SLC16A1: variants seen among roughly 807,000 people sequenced by gnomAD.
SLC16A1 encodes solute carrier family 16 member 1, also known as monocarboxylate transporter 1.
In SLC16A1, 11 loss-of-function variants were observed where a neutral mutation model predicts 32.2. That is an observed-to-expected ratio of 0.34 (90% confidence interval 0.21 to 0.56). The LOEUF (loss-of-function observed/expected upper bound fraction) is 0.56. Ranked by LOEUF, SLC16A1 falls within the 20% of genes least tolerant of loss-of-function variation. SLC16A1 has a pLI of 0.87. For synonymous variants in SLC16A1, 231 were observed against 226.8 expected (o/e 1.02, Z -0.17); for missense variants, 435 against 615.0 (o/e 0.71, Z 3.10).
chr1:112,912,613 T>C lies in SLC16A1; in HGVS notation c.*1278A>G, dbSNP rs1648359986. On this transcript the variant is annotated 3_prime_UTR_variant, in exon 5 of 5. Coordinates refer to ENST00000369626, the MANE Select transcript of SLC16A1 (RefSeq NM_003051.4). ...AGGTAAGTGAAAGGGGTCACAAAAT[T>C]TTTAGGTTTGTGTGGAGGGTAAAAA... 2.0e-5 allele frequency: 3 copies of C among 152,166 alleles called. No homozygotes were observed. The South Asian group carries it at 6.2e-4, about 32-fold the overall frequency. The allele number at this position is 152,166 out of a possible 1,614,324, so 9.4% of individuals were successfully genotyped here.
rs763038298 is a variant in SLC16A1, at chr1:112,929,268, G to T, written c.41C>A (p.Pro14Gln). ...CACTGCCCAGCCCCAGCCTCCATCTGGGGGGGTGTATCCAACTGGACCTCC... is the reference window on the plus strand; with the variant it reads ...CACTGCCCAGCCCCAGCCTCCATCTTGGGGGGTGTATCCAACTGGACCTCC... ...AVGGPVGYTP[P>Q]DGGWGWAVVI... The change falls in exon 2 of 5, where the codon CCA (proline) becomes CAA (glutamine). Residue 14 changes from proline to glutamine, a missense_variant. Coordinates refer to ENST00000369626, the MANE Select transcript of SLC16A1 (RefSeq NM_003051.4). The T allele has an allele frequency of 2.5e-6, 4 of 1,613,422 alleles. No homozygotes were observed. The highest frequency in any genetic ancestry group is 4.5e-5 in the East Asian group (2 of 44,884).
At chr1:112,930,250 C>T (rs994874443) in intron 1 of SLC16A1, among the ~76,000 whole-genome samples, 8 of 152,154 alleles carry the variant, frequency 5.3e-5, no homozygotes, top group Non-Finnish European at 1.2e-4. Context: ...GATCTAACTC[C>T]AGGTAGCTGA....
intron 1 of SLC16A1, among the ~76,000 whole-genome samples, chr1:112,947,520 T>C (rs1161235921): frequency 6.6e-6 from 1 of 152,210 alleles, no homozygotes; most frequent in Non-Finnish European, 1.5e-5. Flanking sequence ...ATTGAACTAT[T>C]CACTCACAGA....
chr1:112,931,330 A>AAT (rs1385633231), intron 1 of SLC16A1, among the ~76,000 whole-genome samples: 4 of 152,008 alleles, frequency 2.6e-5, no homozygotes, highest in Non-Finnish European at 5.9e-5. Context: ...TAAAATCATA[A>AAT]ATATATATAT....
chr1:112,924,913 T>G (rs1267040082), intron 2 of SLC16A1, among the ~76,000 whole-genome samples: 1 of 152,102 alleles, frequency 6.6e-6, no homozygotes, highest in Non-Finnish European at 1.5e-5. Flanking sequence ...AATATATCCT[T>G]CAGAATTACT....
At chr1:112,931,644 CA>C (rs561013159) in intron 1 of SLC16A1, among the ~76,000 whole-genome samples, 5,245 of 62,146 alleles carry the variant, frequency 0.084, 177 homozygotes, top group African/African-American at 0.26. Context: ...TACTCTGTCT[CA>C]AAAAAAAAAA....
rs1236598330 is a variant in SLC16A1 at position 112,917,412 on chromosome 1, A to C, written c.994T>G (p.Phe332Val). The C allele has an allele frequency of 6.2e-7, 1 of 1,614,220 alleles. No individual in the cohort carries two copies. Among genetic ancestry groups the C allele is most frequent in the South Asian group, 1.1e-5 (1 of 91,082 alleles). ...TTTGCAACAACGGAAGCCGCAAAGA[A>C]ATACTGAATTCGAGGTCTTATTGGC... ...TKPIRPRIQY[F>V]FAASVVANGV... Residue 332 changes from phenylalanine (F) to valine (V), a missense_variant, in exon 4 of 5, where the codon TTC becomes GTC. Phe to Val is a conservative substitution (Grantham distance 50). This residue lies in a region of SLC16A1 where 324 missense variants were observed against 500.3 expected (regional missense o/e 0.65). Transcript: ENST00000369626. The surrounding 1 kb of genome is among the most constrained non-coding windows in gnomAD (Gnocchi z 4.1).
intron 1 of SLC16A1, among the ~76,000 whole-genome samples, chr1:112,944,994 C>CTTTTTTTTTTTT (rs151186476): frequency 8.1e-6 from 1 of 123,306 alleles, no homozygotes. Flanking sequence ...CACCCAGCCT[C>CTTTTTTTTTTTT]TTTTTTTTTT....
At chr1:112,951,492 C>CATCA (rs1270108598) in intron 1 of SLC16A1, among the ~76,000 whole-genome samples, 2 of 152,122 alleles carry the variant, frequency 1.3e-5, no homozygotes, top group African/African-American at 4.8e-5. Context: ...AAAAGCAGAT[C>CATCA]ATCAATAAGA....
rs1649009326 is a variant in SLC16A1, at chr1:112,928,326, G to A, written c.217+766C>T. ...AAGGATTATAAACTTCTCAAAGGAA[G>A]GGATCAGTGTTTTCTGTCACTCACA... On this transcript the variant is annotated intron_variant, in intron 2 of 4. Transcript: ENST00000369626. Among the ~76,000 whole-genome samples, 8 of 152,194 alleles carry A rather than the reference G, an allele frequency of 5.3e-5. No homozygotes were observed. In the South Asian group the frequency reaches 1.7e-3, roughly 31 times the overall value.
At chr1:112,939,091 C>T in intron 1 of SLC16A1, among the ~76,000 whole-genome samples, 1 of 151,830 alleles carries the variant, frequency 6.6e-6, no homozygotes, top group East Asian at 1.9e-4. Flanking sequence ...ACAGGTTTTA[C>T]CATGTTGGCC....
At chr1:112,939,238 G>T (rs1307573396) in intron 1 of SLC16A1, among the ~76,000 whole-genome samples, 6 of 152,104 alleles carry the variant, frequency 3.9e-5, no homozygotes, top group Non-Finnish European at 8.8e-5. Flanking sequence ...ACAAGAATTG[G>T]TAAGGATGTG....
intron 1 of SLC16A1, among the ~76,000 whole-genome samples, chr1:112,942,960 G>T (rs1161389451): frequency 6.6e-6 from 1 of 151,208 alleles, no homozygotes; most frequent in East Asian, 1.9e-4. Context: ...ACGCACTTGT[G>T]TGTATATATT....
chr1:112,940,204 A>T (rs942819698), intron 1 of SLC16A1, among the ~76,000 whole-genome samples: 2 of 151,746 alleles, frequency 1.3e-5, no homozygotes, highest in African/African-American at 4.8e-5. Flanking sequence ...TGCCTGGCTA[A>T]TTTTTGTATG....
chr1:112,949,590 A>C (rs1570648036), intron 1 of SLC16A1, among the ~76,000 whole-genome samples: 3 of 152,374 alleles, frequency 2.0e-5, no homozygotes, highest in Admixed American at 2.0e-4. Context: ...ACAGAAGTAA[A>C]GAAGTTAGGA....
intron 1 of SLC16A1, among the ~76,000 whole-genome samples, chr1:112,930,925 G>T (rs562322956): frequency 4.0e-4 from 61 of 152,192 alleles, no homozygotes; most frequent in Middle Eastern, 3.4e-3. Context: ...GGCCATGTTG[G>T]CCAGGCTGGT....
intron 1 of SLC16A1, among the ~76,000 whole-genome samples, chr1:112,949,518 A>G (rs1268625675): frequency 6.6e-6 from 1 of 152,220 alleles, no homozygotes; most frequent in Admixed American, 6.5e-5. Context: ...GAATCCTGTG[A>G]CATCAGCATC....
chr1:112,931,635 ACT>A (rs970566800), intron 1 of SLC16A1, among the ~76,000 whole-genome samples: 3 of 126,634 alleles, frequency 2.4e-5, no homozygotes, highest in African/African-American at 1.0e-4. Flanking sequence ...ACAGAGTAAT[ACT>A]CTGTCTCAAA....
intron 2 of SLC16A1, chr1:112,923,488 T>C (rs1356572504): frequency 2.0e-5 from 18 of 879,962 alleles, no homozygotes; most frequent in Non-Finnish European, 1.4e-5. Flanking sequence ...CGCGCCTTCC[T>C]GGAGCACGGC....
Sources: allele counts gnomAD v4.1 joint callset (sites outside exome capture counted in the v4.1 genomes callset), GRCh38; gene constraint gnomAD v4.1.1; regional missense constraint gnomAD v4.1.1; non-coding constraint Gnocchi (gnomAD v3.1); transcripts MANE v1.5; gene names NCBI Gene and HGNC (gene_info 2026-07-23, HGNC 2026-07-21).